Variants in IGSF11 observed in about 807,000 individuals in gnomAD.
IGSF11 encodes immunoglobulin superfamily member 11, also known as CXADR like 1.
In IGSF11, 22 loss-of-function variants were observed where a neutral mutation model predicts 41.0. That is an observed-to-expected ratio of 0.54 (90% CI 0.38 to 0.77). The LOEUF (loss-of-function observed/expected upper bound fraction) is 0.77. Ranked by LOEUF, IGSF11 falls within the 30% of genes least tolerant of loss-of-function variation. The probability of loss-of-function intolerance (pLI) is 0.00; values close to 1 mark genes in which losing one functional copy is unlikely to be tolerated. For synonymous variants in IGSF11, 219 were observed against 201.3 expected, an observed-to-expected ratio of 1.09 and a Z score of -0.74; for missense variants, 444 against 530.8, an observed-to-expected ratio of 0.84 and a Z score of 1.61.
chr3:118,926,027 AAAGTT>A, intron 4 of IGSF11, 69 bp downstream of exon 4: 1 of 1,146,344 alleles, frequency 8.7e-7, no homozygotes, highest in South Asian at 2.6e-5. Context: ...AAAACCTATT[AAAGTT>A]AATTACTTTT....
intron 1 of IGSF11, among the ~76,000 whole-genome samples, chr3:119,103,238 C>T (rs1268378096): frequency 1.3e-5 from 2 of 152,172 alleles, no homozygotes; most frequent in Non-Finnish European, 2.9e-5. Flanking sequence ...ACCTCTTGAT[C>T]CGCCCACCTC....
intron 1 of IGSF11, among the ~76,000 whole-genome samples, chr3:119,043,853 G>A (rs1559830801): frequency 6.6e-6 from 1 of 152,164 alleles, no homozygotes; most frequent in African/African-American, 2.4e-5. Flanking sequence ...ATCCCTAGGG[G>A]AAGCAGGAGA....
intron 1 of IGSF11, among the ~76,000 whole-genome samples, chr3:119,135,166 G>A (rs1460954135): frequency 1.3e-5 from 2 of 151,992 alleles, no homozygotes; most frequent in Non-Finnish European, 2.9e-5. Context: ...GGACTTCATG[G>A]CTAAAACACC....
intron 4 of IGSF11, among the ~76,000 whole-genome samples, chr3:118,920,340 T>TTAAATAAA (rs200987239): frequency 8.2e-4 from 123 of 149,402 alleles, no homozygotes; most frequent in African/African-American, 2.9e-3. Flanking sequence ...AATAAATAAA[T>TTAAATAAA]TAAATAAATA....
chr3:119,011,943 T>TTC (rs141583604), intron 1 of IGSF11, among the ~76,000 whole-genome samples: 13,997 of 149,716 alleles, frequency 0.093, 1,019 homozygotes, highest in African/African-American at 0.2. Context: ...CTATATAGTG[T>TTC]TCTGTGTGTG....
intron 1 of IGSF11, among the ~76,000 whole-genome samples, chr3:119,073,056 T>C (rs1356213746): frequency 6.6e-6 from 1 of 152,106 alleles, no homozygotes; most frequent in Non-Finnish European, 1.5e-5. Flanking sequence ...GACACAGCAC[T>C]GATTGGTGCA....
At chr3:119,141,253 G>A (rs866731191) in intron 1 of IGSF11, among the ~76,000 whole-genome samples, 65 of 151,528 alleles carry the variant, frequency 4.3e-4, no homozygotes, top group African/African-American at 1.5e-3. Flanking sequence ...TAAAACTTAT[G>A]GGATACAGGA....
intron 1 of IGSF11, among the ~76,000 whole-genome samples, chr3:119,115,073 A>G (rs747930966): frequency 5.4e-4 from 82 of 152,240 alleles, no homozygotes; most frequent in Non-Finnish European, 1.0e-3. Context: ...CCATGGTTCA[A>G]TCATCAACAC....
intron 1 of IGSF11, among the ~76,000 whole-genome samples, chr3:119,068,855 T>G (rs562185938): frequency 2.6e-5 from 4 of 151,112 alleles, no homozygotes; most frequent in African/African-American, 9.7e-5. Flanking sequence ...CAGTCTTTCT[T>G]AAGTAAAGCA....
intron 1 of IGSF11, among the ~76,000 whole-genome samples, chr3:118,997,487 T>C (rs1441796052): frequency 6.6e-6 from 1 of 152,100 alleles, no homozygotes; most frequent in African/African-American, 2.4e-5. Flanking sequence ...GCCTGTGATT[T>C]GCTCACTTTC....
intron 1 of IGSF11, among the ~76,000 whole-genome samples, chr3:119,114,607 C>T (rs1047777418): frequency 2.6e-5 from 4 of 152,216 alleles, no homozygotes; most frequent in Non-Finnish European, 2.9e-5. Context: ...GTCCTTTTCA[C>T]TATCAGCATT....
In IGSF11 at chr3:119,145,974, A is replaced by G. The variant is rs2077718836; in HGVS notation, c.-175T>C. On this transcript the variant is annotated 5_prime_UTR_variant, in exon 1 of 8. Transcript: ENST00000425327. ...CCTGAGAATCGCCCCTTCTCAGGAC[A>G]TGGCGTACTCCCTGCGCTCGCCTGC... is the stretch of plus-strand genomic sequence containing the variant. 4 of 532,514 alleles carry G rather than the reference A, an allele frequency of 7.5e-6. No individual in the cohort carries two copies. The South Asian group carries it at 1.0e-4, about 13-fold the overall frequency. The allele number at this position is 532,514 out of a possible 1,614,324, so 33.0% of individuals were successfully genotyped here. A position where few individuals can be genotyped will look rare whatever the true frequency, so the allele number is the denominator to read the frequency against.
At chr3:119,134,870 T>G (rs9758526) in intron 1 of IGSF11, among the ~76,000 whole-genome samples, 70,354 of 151,784 alleles carry the variant, frequency 0.46, 16,389 homozygotes, top group East Asian at 0.52. Context: ...CAGATACACA[T>G]ACCAATAGAA....
intron 1 of IGSF11, among the ~76,000 whole-genome samples, chr3:118,931,325 T>C (rs928138975): frequency 3.2e-4 from 49 of 152,274 alleles, no homozygotes; most frequent in African/African-American, 1.2e-3. Context: ...AAAATGAAAA[T>C]GTATGTCCAC....
At chr3:119,088,612 A>G (rs1441753429) in intron 1 of IGSF11, among the ~76,000 whole-genome samples, 1 of 152,198 alleles carries the variant, frequency 6.6e-6, no homozygotes, top group African/African-American at 2.4e-5. Context: ...TGAGAACTTA[A>G]TGAAACTGAC....
At chr3:119,000,063 CTTTTTTTTTT>C (rs1297321950) in intron 1 of IGSF11, among the ~76,000 whole-genome samples, 1 of 98,750 alleles carries the variant, frequency 1.0e-5, no homozygotes, top group South Asian at 3.2e-4. Context: ...ATTCATTATT[CTTTTTTTTTT>C]TTTTTTTTTT....
At chr3:118,951,795 T>C (rs149029968) in intron 1 of IGSF11, among the ~76,000 whole-genome samples, 3 of 152,328 alleles carry the variant, frequency 2.0e-5, no homozygotes, top group African/African-American at 7.2e-5. Context: ...CTAGATTACA[T>C]ACAATACCTA....
chr3:119,001,699 T>C (rs1403144367), intron 1 of IGSF11, among the ~76,000 whole-genome samples: 1 of 147,026 alleles, frequency 6.8e-6, no homozygotes, highest in Non-Finnish European at 1.5e-5. Context: ...TCAATTCCCA[T>C]CTATGAGTGA....
chr3:119,071,432 C>A (rs2076398124), intron 1 of IGSF11, among the ~76,000 whole-genome samples: 1 of 152,108 alleles, frequency 6.6e-6, no homozygotes, highest in Admixed American at 6.5e-5. Flanking sequence ...GACCTCTTAT[C>A]CCTTCTAAAA....
Sources: allele counts gnomAD v4.1 joint callset (sites outside exome capture counted in the v4.1 genomes callset), GRCh38; gene constraint gnomAD v4.1.1; transcripts MANE v1.5; gene names NCBI Gene and HGNC (gene_info 2026-07-23, HGNC 2026-07-21).